Variants in UQCC1 observed in about 807,000 individuals in gnomAD.
UQCC1 encodes bFGF-repressed Zic-binding protein.
Under a neutral mutation model 48.0 loss-of-function variants are expected in UQCC1, and 38 were observed. The observed-to-expected ratio is 0.79, with a 90% confidence interval of 0.61 to 1.04. The LOEUF (loss-of-function observed/expected upper bound fraction) is 1.04, where lower values mean the gene tolerates loss of function less well. Ranked by LOEUF, UQCC1 falls within the 50% of genes least tolerant of loss-of-function variation. The pLI, the probability that UQCC1 is intolerant of heterozygous loss-of-function variation, is 0.00. For missense variants in UQCC1, 368 were observed against 381.8 expected (o/e 0.96, Z 0.30); for synonymous variants, 111 against 129.2 (o/e 0.86, Z 0.95).
chr20:35,337,478 C>T (rs1222899618), intron 7 of UQCC1, among the ~76,000 whole-genome samples: 1 of 152,122 alleles, frequency 6.6e-6, no homozygotes, highest in African/African-American at 2.4e-5. Context: ...TAAGCCACCA[C>T]ATCTGGCCTG....
rs2060895237 is a variant in UQCC1 at position 35,303,677 on chromosome 20, T to C, written c.*258A>G. 5.8e-6 allele frequency: 3 copies of C among 515,002 alleles called. No homozygotes were observed. Among genetic ancestry groups the C allele is most frequent in the Non-Finnish European group, 3.5e-6 (1 of 284,720 alleles). 31.9% of individuals were successfully genotyped at this position (515,002 alleles called of 1,614,324 possible). On this transcript the variant is annotated 3_prime_UTR_variant, in exon 10 of 10. Coordinates refer to ENST00000374385, the MANE Select transcript of UQCC1 (RefSeq NM_018244.5). The stretch of plus-strand genomic sequence containing the variant: ...CTGGAGGGGGTTGGGGAGTGTGTGC[T>C]GGGGGACTCTCACTCGGGGCTTCCC...
chr20:35,353,121 GGT>G (rs1305697912), intron 6 of UQCC1, among the ~76,000 whole-genome samples: 4 of 152,116 alleles, frequency 2.6e-5, no homozygotes, highest in African/African-American at 9.7e-5. Context: ...AGTTTTTTTA[GGT>G]TGGGAACAGT....
chr20:35,328,470 C>A (rs2061221109), intron 7 of UQCC1, among the ~76,000 whole-genome samples: 1 of 152,108 alleles, frequency 6.6e-6, no homozygotes, highest in Non-Finnish European at 1.5e-5. Flanking sequence ...CTCATTTATC[C>A]CTCACAATGC....
chr20:35,377,457 CTCCTATCCTTAA>C (rs2061815365), intron 4 of UQCC1, among the ~76,000 whole-genome samples: 1 of 152,208 alleles, frequency 6.6e-6, no homozygotes. Flanking sequence ...GACAGGCCTA[CTCCTATCCTTAA>C]GACAGGGAGT....
rs190306522 is a variant in UQCC1 at position 35,372,112 on chromosome 20, C to T, written c.406+2072G>A. Among the ~76,000 whole-genome samples the T allele has an allele frequency of 5.7e-3, 869 of 151,958 alleles. 11 individuals carry two copies. The highest frequency in any genetic ancestry group is 0.02 in the African/African-American group (828 of 41,446). On this transcript the variant is annotated intron_variant, in intron 5 of 9. Coordinates refer to ENST00000374385, the MANE Select transcript of UQCC1 (RefSeq NM_018244.5). ...GGATCACAAGGTCAGGAGTTCGAGA[C>T]CAGCCTGGCCAATATGGTGAAACCT...
intron 2 of UQCC1, among the ~76,000 whole-genome samples, chr20:35,388,450 G>A (rs551250778): frequency 2.0e-5 from 3 of 151,514 alleles, no homozygotes; most frequent in South Asian, 2.1e-4. Context: ...CAGCTATTCC[G>A]GATTTTTTGT....
At chr20:35,366,248 T>C (rs193254618) in intron 6 of UQCC1, among the ~76,000 whole-genome samples, 13 of 152,304 alleles carry the variant, frequency 8.5e-5, no homozygotes, top group African/African-American at 3.1e-4. Context: ...TGAACTTTCC[T>C]AAAACAGCCA....
At position 35,314,672 on chromosome 20, in the gene UQCC1, T is replaced by C. The variant is rs2061037095; in HGVS notation, c.651+16A>G. The C allele has an allele frequency of 6.3e-7, 1 of 1,598,036 alleles. No individual in the cohort carries two copies. The highest frequency in any genetic ancestry group is 1.3e-5 in the African/African-American group (1 of 74,712). On this transcript the variant is annotated intron_variant, in intron 8 of 9. Transcript: ENST00000374385. ...GGAGGCCACCGTCCTGCCTAAGCCT[T>C]GGCAAACAATCTTACCTCATCATAT...
intron 1 of UQCC1, chr20:35,409,488 T>A (rs6142378): frequency 0.53 from 89,535 of 169,218 alleles, 25,923 homozygotes; most frequent in East Asian, 0.73. Context: ...AAAAAAAAAG[T>A]TTAAAAGGTA....
chr20:35,392,140 G>T, intron 2 of UQCC1: 1 of 885,016 alleles, frequency 1.1e-6, no homozygotes, highest in Non-Finnish European at 1.6e-6. Flanking sequence ...AATTTACTAT[G>T]TGAAAACGCA....
At chr20:35,341,861 T>G (rs999220633) in intron 7 of UQCC1, among the ~76,000 whole-genome samples, 6 of 152,140 alleles carry the variant, frequency 3.9e-5, no homozygotes, top group African/African-American at 1.4e-4. Context: ...GGATGGAATG[T>G]GATGTTCACT....
At chr20:35,351,504 A>G (rs2061490244) in intron 6 of UQCC1, among the ~76,000 whole-genome samples, 1 of 152,166 alleles carries the variant, frequency 6.6e-6, no homozygotes, top group Non-Finnish European at 1.5e-5. Flanking sequence ...AACTGGGGAA[A>G]AGTTCAACAG....
chr20:35,307,191 G>A (rs757023575), intron 8 of UQCC1: 4 of 286,642 alleles, frequency 1.4e-5, no homozygotes, highest in East Asian at 9.0e-5. Flanking sequence ...TATTGTGAAT[G>A]TATGTTTCTC....
chr20:35,319,304 C>T (rs776269204), intron 7 of UQCC1, among the ~76,000 whole-genome samples: 1 of 152,156 alleles, frequency 6.6e-6, no homozygotes, highest in South Asian at 2.1e-4. Context: ...CTCTAGCCAA[C>T]CACAGGCCTG....
At chr20:35,395,359 C>T (rs909127062) in intron 1 of UQCC1, among the ~76,000 whole-genome samples, 1 of 152,066 alleles carries the variant, frequency 6.6e-6, no homozygotes, top group Non-Finnish European at 1.5e-5. Context: ...CATGCCTTCA[C>T]TCCTATTATC....
chr20:35,329,684 G>T (rs1052873822), intron 7 of UQCC1, among the ~76,000 whole-genome samples: 5 of 152,190 alleles, frequency 3.3e-5, no homozygotes, highest in Admixed American at 1.3e-4. Context: ...AGAGCCTCCA[G>T]AACTTTTTTA....
At chr20:35,360,418 C>A (rs571728106) in intron 6 of UQCC1, among the ~76,000 whole-genome samples, 1 of 152,290 alleles carries the variant, frequency 6.6e-6, no homozygotes, top group Non-Finnish European at 1.5e-5. Flanking sequence ...CCTTTCCCAT[C>A]CCCACACTTT....
intron 1 of UQCC1, among the ~76,000 whole-genome samples, chr20:35,395,458 A>C (rs1050084593): frequency 7.4e-5 from 11 of 148,424 alleles, no homozygotes; most frequent in African/African-American, 2.4e-4. Context: ...CCAGCTATAC[A>C]AAAAAAAACC....
chr20:35,353,263 G>A (rs1284278345), intron 6 of UQCC1, among the ~76,000 whole-genome samples: 1 of 151,816 alleles, frequency 6.6e-6, no homozygotes, highest in Non-Finnish European at 1.5e-5. Context: ...CAGGCATGGT[G>A]GCGCGTGCCT....
Sources: gnomAD v4.1 joint callset for allele counts (sites outside exome capture counted in the v4.1 genomes callset) on GRCh38, gnomAD v4.1.1 for gene constraint, MANE v1.5 for transcripts, NCBI Gene and HGNC (gene_info 2026-07-23, HGNC 2026-07-21) for gene names.